The following AKAP6 variants were observed in gnomAD, a reference collection of about 807,000 sequenced individuals.
AKAP6 encodes A-kinase anchoring protein 6, also known as A-kinase anchor protein 6.
Under a neutral mutation model 188.5 loss-of-function variants are expected in AKAP6, and 58 were observed. The observed-to-expected ratio is 0.31, with a 90% CI of 0.25 to 0.38. The LOEUF (loss-of-function observed/expected upper bound fraction) is 0.38. Among genes scored for constraint, AKAP6 ranks in the 10% least tolerant of loss-of-function variants. The pLI, the probability that AKAP6 is intolerant of heterozygous loss-of-function variation, is 1.00. For synonymous variants in AKAP6, 989 were observed against 998.6 expected, an observed-to-expected ratio of 0.99 and a Z score of 0.18; for missense variants, 2,710 against 2,740.0, an observed-to-expected ratio of 0.99 and a Z score of 0.24.
At chr14:32,626,167 C>G (rs1594792892) in intron 7 of AKAP6, among the ~76,000 whole-genome samples, 1 of 152,048 alleles carries the variant, frequency 6.6e-6, no homozygotes, top group East Asian at 1.9e-4. Flanking sequence ...TACTTAGAAA[C>G]CTAGTTTCTC....
chr14:32,536,942 G>A (rs531969238), intron 3 of AKAP6, among the ~76,000 whole-genome samples: 1 of 152,170 alleles, frequency 6.6e-6, no homozygotes, highest in East Asian at 1.9e-4. Flanking sequence ...CCAGTTTAGT[G>A]TTCTACTATT....
In AKAP6 at chr14:32,728,420, A is replaced by G. The variant is rs965702923; in HGVS notation, c.3001-4034A>G. Among the ~76,000 whole-genome samples, 5 of 151,808 alleles carry G rather than the reference A, an allele frequency of 3.3e-5. No homozygotes were observed. The East Asian group carries it at 7.7e-4, about 23-fold the overall frequency. On this transcript the variant is annotated intron_variant, in intron 9 of 13. Coordinates refer to ENST00000280979, the MANE Select transcript of AKAP6 (RefSeq NM_004274.5). ...AATCGTATCTATCAGTCAATCATGC[A>G]TATATGGGAAAGGGGATCTTGCTGG...
chr14:32,454,542 T>G (rs1891053634), intron 2 of AKAP6, among the ~76,000 whole-genome samples: 1 of 152,174 alleles, frequency 6.6e-6, no homozygotes, highest in South Asian at 2.1e-4. Context: ...TATGAAACAG[T>G]AGAAAATGAG....
intron 5 of AKAP6, among the ~76,000 whole-genome samples, chr14:32,580,899 T>G (rs1477046908): frequency 6.6e-6 from 1 of 152,236 alleles, no homozygotes; most frequent in African/African-American, 2.4e-5. Context: ...TTTTTATGGC[T>G]GCATAGTATT....
intron 2 of AKAP6, among the ~76,000 whole-genome samples, chr14:32,489,561 T>TA (rs1327650910): frequency 6.6e-6 from 1 of 152,136 alleles, no homozygotes; most frequent in African/African-American, 2.4e-5. Flanking sequence ...TGTTTTTAAT[T>TA]AAAAAAACTT....
chr14:32,466,842 T>C (rs1158567721), intron 2 of AKAP6, among the ~76,000 whole-genome samples: 1 of 142,798 alleles, frequency 7.0e-6, no homozygotes, highest in Non-Finnish European at 1.5e-5. Context: ...TATATATATA[T>C]ATATTTTCTT....
rs1169377910 is a variant in AKAP6, at chr14:32,699,592, CTT to C, written c.3000+3484_3000+3485del. On this transcript the variant is annotated intron_variant, in intron 9 of 13. Coordinates refer to ENST00000280979, the MANE Select transcript of AKAP6 (RefSeq NM_004274.5). ...ACCATTCCCTTAAATGTACTTTCTT[CTT>C]TGTTTTGAGACAGTGAGTTATACTG... Among the ~76,000 whole-genome samples the C allele has an allele frequency of 2.0e-5, 3 of 152,160 alleles. No individual in the cohort carries two copies. In the East Asian group the frequency reaches 5.8e-4, roughly 29 times the overall value.
At chr14:32,562,217 A>G (rs1234480196) in intron 4 of AKAP6, among the ~76,000 whole-genome samples, 1 of 152,032 alleles carries the variant, frequency 6.6e-6, no homozygotes, top group Non-Finnish European at 1.5e-5. Context: ...TAATGCTTTA[A>G]GAAAAACTGG....
intron 4 of AKAP6, among the ~76,000 whole-genome samples, chr14:32,562,813 G>A (rs1365588152): frequency 1.3e-5 from 2 of 152,262 alleles, no homozygotes; most frequent in South Asian, 2.1e-4. Context: ...GCTGGATTCT[G>A]TAGTGTAGTA....
intron 1 of AKAP6, among the ~76,000 whole-genome samples, chr14:32,400,295 T>A (rs906987782): frequency 6.6e-6 from 1 of 151,672 alleles, no homozygotes; most frequent in Non-Finnish European, 1.5e-5. Flanking sequence ...TGGTTCATCA[T>A]AAGAATCTCA....
chr14:32,673,337 C>T lies in AKAP6; in HGVS notation c.2731-4974C>T, dbSNP rs185746759. Among the ~76,000 whole-genome samples the T allele has an allele frequency of 4.2e-4, 64 of 152,332 alleles. 1 individual carries two copies. In the South Asian group the frequency reaches 7.5e-3, roughly 18 times the overall value. On this transcript the variant is annotated intron_variant, in intron 7 of 13. Transcript: ENST00000280979. ...CATGGCTCTCTCTTCTACCACACTG[C>T]GGTGCCTCAGGAGAAGTAACTAAGT... is the stretch of plus-strand genomic sequence containing the variant.
chr14:32,565,201 T>C (rs915041424), intron 4 of AKAP6, among the ~76,000 whole-genome samples: 1 of 152,212 alleles, frequency 6.6e-6, no homozygotes, highest in Non-Finnish European at 1.5e-5. Context: ...CTTATACAAC[T>C]AGCTGTCTTA....
At chr14:32,497,702 AT>A (rs1013732847) in intron 2 of AKAP6, among the ~76,000 whole-genome samples, 3 of 151,560 alleles carry the variant, frequency 2.0e-5, no homozygotes, top group African/African-American at 7.3e-5. Context: ...ATATATATAT[AT>A]TTTTTTCCAA....
intron 2 of AKAP6, among the ~76,000 whole-genome samples, chr14:32,461,331 G>T (rs1891315338): frequency 6.6e-6 from 1 of 152,190 alleles, no homozygotes; most frequent in African/African-American, 2.4e-5. Flanking sequence ...GAGAGCTCGG[G>T]CTAACATCAG....
intron 9 of AKAP6, among the ~76,000 whole-genome samples, chr14:32,724,823 A>G (rs2030759944): frequency 6.6e-6 from 1 of 151,826 alleles, no homozygotes; most frequent in South Asian, 2.1e-4. Context: ...AAATTTCTCT[A>G]TTTTTTATTG....
At position 32,826,196 on chromosome 14, in the gene AKAP6, T is replaced by C. The variant is rs149037905; in HGVS notation, c.*42+1381T>C. On this transcript the variant is annotated intron_variant, in intron 13 of 13. Transcript: ENST00000280979. ...GGGGGCATCTATACCATATATACCC[T>C]AAAAATAAACTCAGTATGCAAAATT... 3.3e-3 allele frequency among the ~76,000 whole-genome samples: 504 copies of C among 152,232 alleles called. 2 individuals are homozygous for C. Among genetic ancestry groups the C allele is most frequent in the African/African-American group, 0.011 (462 of 41,538 alleles).
intron 2 of AKAP6, among the ~76,000 whole-genome samples, chr14:32,524,701 T>A (rs1882034140): frequency 6.6e-6 from 1 of 152,166 alleles, no homozygotes; most frequent in Non-Finnish European, 1.5e-5. Flanking sequence ...TATATTTGTG[T>A]AATATCAGTG....
At chr14:32,541,702 G>A (rs1479755371) in intron 3 of AKAP6, among the ~76,000 whole-genome samples, 3 of 152,050 alleles carry the variant, frequency 2.0e-5, no homozygotes, top group African/African-American at 2.4e-5. Flanking sequence ...TTTAACCATC[G>A]TTTTATAATA....
rs2034806549 is a variant in AKAP6, at chr14:32,830,820, A to G, written c.*1015A>G. 6.6e-6 allele frequency: 1 copy of G among 152,658 alleles called. No homozygotes were observed. Among genetic ancestry groups the G allele is most frequent in the African/African-American group, 2.4e-5 (1 of 41,460 alleles). 9.5% of individuals were successfully genotyped at this position (152,658 alleles called of 1,614,324 possible). A position where few individuals can be genotyped will look rare whatever the true frequency, so the allele number is the denominator to read the frequency against. On this transcript the variant is annotated 3_prime_UTR_variant, in exon 14 of 14. Transcript: ENST00000280979. ...AGATTATTGGGGGAAAAGGAAAATT[A>G]GTGATCTCTTCTACTATGTTCTTTA...
Sources: allele counts gnomAD v4.1 joint callset (sites outside exome capture counted in the v4.1 genomes callset), GRCh38; gene constraint gnomAD v4.1.1; transcripts MANE v1.5; gene names NCBI Gene and HGNC (gene_info 2026-07-23, HGNC 2026-07-21).